The following PRKCB variants were observed in gnomAD, a reference collection of about 807,000 sequenced individuals.
PRKCB encodes the protein protein kinase C beta type.
PRKCB carries 13 observed loss-of-function variants against 81.5 expected under a neutral mutation model. The observed-to-expected ratio is 0.16, with a 90% CI of 0.10 to 0.25. The LOEUF (loss-of-function observed/expected upper bound fraction) is 0.25. Among genes scored for constraint, PRKCB ranks in the 10% least tolerant of loss-of-function variants. PRKCB has a pLI of 1.00. For synonymous variants in PRKCB, 335 were observed against 321.4 expected, an observed-to-expected ratio of 1.04 and a Z score of -0.45; for missense variants, 509 against 875.7, an observed-to-expected ratio of 0.58 and a Z score of 5.29.
intron 8 of PRKCB, among the ~76,000 whole-genome samples, chr16:24,116,152 G>T (rs141376498): frequency 6.6e-6 from 1 of 152,278 alleles, no homozygotes; most frequent in East Asian, 1.9e-4. Flanking sequence ...GCAGCCATTA[G>T]TGAGTGTATT....
Position 24,030,043 on chromosome 16 carries a change from G to T in PRKCB, c.289-2093G>T, listed in dbSNP as rs1965532005. ...ACTTCCCAAGTAGCTGGGACTACAGGCATATGCCACCACACCTGGCTAATT... is the reference window on the plus strand; with the variant it reads ...ACTTCCCAAGTAGCTGGGACTACAGTCATATGCCACCACACCTGGCTAATT... On this transcript the variant is annotated intron_variant, in intron 3 of 16. Transcript: ENST00000643927. 2.0e-5 allele frequency among the ~76,000 whole-genome samples: 3 copies of T among 152,110 alleles called. No individual in the cohort carries two copies. The South Asian group carries it at 6.2e-4, about 32-fold the overall frequency.
chr16:24,033,103 CT>C (rs1040571678), intron 4 of PRKCB, among the ~76,000 whole-genome samples: 2 of 152,148 alleles, frequency 1.3e-5, no homozygotes, highest in African/African-American at 4.8e-5. Flanking sequence ...AGCAGACAGG[CT>C]TTGAGAGCTA....
chr16:24,172,069 T>A (rs1967449465), intron 10 of PRKCB: 2 of 494,108 alleles, frequency 4.0e-6, no homozygotes. Flanking sequence ...ATGAAAAAAA[T>A]TATCTGTGTA....
At chr16:24,051,251 T>A (rs181382852) in intron 5 of PRKCB, among the ~76,000 whole-genome samples, 1 of 152,294 alleles carries the variant, frequency 6.6e-6, no homozygotes. Flanking sequence ...TTGCTGCTGT[T>A]TCTGTGAGAA....
chr16:23,869,367 T>G (rs925597943), intron 2 of PRKCB: 4 of 265,856 alleles, frequency 1.5e-5, no homozygotes, highest in South Asian at 1.4e-4. Context: ...GAGCTAAACT[T>G]CGAATATTGT....
chr16:23,938,716 C>A (rs1201172927), intron 2 of PRKCB, among the ~76,000 whole-genome samples: 2 of 152,150 alleles, frequency 1.3e-5, no homozygotes, highest in Non-Finnish European at 2.9e-5. Flanking sequence ...AGAAAACATG[C>A]TGTTAACTTT....
intron 5 of PRKCB, among the ~76,000 whole-genome samples, chr16:24,064,550 T>C (rs1045313347): frequency 2.8e-4 from 43 of 152,336 alleles, no homozygotes; most frequent in Middle Eastern, 3.4e-3. Context: ...ATATGTATCC[T>C]GTGTTTGTTG....
At chr16:24,161,014 A>T (rs1362795383) in intron 10 of PRKCB, among the ~76,000 whole-genome samples, 4 of 147,420 alleles carry the variant, frequency 2.7e-5, no homozygotes, top group African/African-American at 9.9e-5. Flanking sequence ...AGCTACCTTT[A>T]AAAAAAAAAG....
At chr16:24,134,608 G>A (rs1381429900) in intron 9 of PRKCB, among the ~76,000 whole-genome samples, 1 of 152,158 alleles carries the variant, frequency 6.6e-6, no homozygotes, top group Non-Finnish European at 1.5e-5. Flanking sequence ...AATTAGCCGG[G>A]CGTGGTGGCG....
At chr16:23,924,172 T>C (rs750968142) in intron 2 of PRKCB, among the ~76,000 whole-genome samples, 1 of 113,110 alleles carries the variant, frequency 8.8e-6, no homozygotes, top group African/African-American at 2.7e-5. Flanking sequence ...CAAGAGCTGA[T>C]GGTTTTATAA....
At chr16:24,052,608 T>G (rs1334716596) in intron 5 of PRKCB, among the ~76,000 whole-genome samples, 1 of 152,212 alleles carries the variant, frequency 6.6e-6, no homozygotes, top group Non-Finnish European at 1.5e-5. Context: ...CTCCTCTTTT[T>G]AGACCATGTA....
intron 9 of PRKCB, among the ~76,000 whole-genome samples, chr16:24,142,959 G>C (rs760593428): frequency 6.6e-6 from 1 of 152,074 alleles, no homozygotes; most frequent in Non-Finnish European, 1.5e-5. Flanking sequence ...TAGGGGTCGT[G>C]TGGTCCCCCG....
intron 2 of PRKCB, among the ~76,000 whole-genome samples, chr16:23,947,093 C>A (rs548283014): frequency 1.3e-5 from 2 of 152,144 alleles, no homozygotes; most frequent in African/African-American, 4.8e-5. Context: ...TGATCTCAAA[C>A]GATCCACCTG....
At position 23,837,524 on chromosome 16, in the gene PRKCB, C is replaced by T. The variant is rs888316746; in HGVS notation, c.205+118C>T. On this transcript the variant is annotated intron_variant, in intron 2 of 16. Coordinates refer to ENST00000643927, the MANE Select transcript of PRKCB (RefSeq NM_002738.7). ...GAATCACGTTGGTCGGAGTGACCTC[C>T]CAGGCTAGGAATTCTTCACCACAAC... The T allele has an allele frequency of 7.0e-6, 9 of 1,288,052 alleles. No individual in the cohort carries two copies. In the Admixed American group the frequency reaches 7.0e-5, roughly 10 times the overall value. 79.8% of individuals were successfully genotyped at this position (1,288,052 alleles called of 1,614,324 possible).
intron 8 of PRKCB, among the ~76,000 whole-genome samples, chr16:24,117,502 G>A (rs1966748786): frequency 6.6e-6 from 1 of 152,110 alleles, no homozygotes; most frequent in South Asian, 2.1e-4. Flanking sequence ...ATTAACTCAG[G>A]TAATTTAATC....
intron 16 of PRKCB, 174 bp downstream of exon 16, chr16:24,191,404 C>T: frequency 1.6e-6 from 1 of 631,136 alleles, no homozygotes; most frequent in Non-Finnish European, 2.6e-6. Context: ...GGACATTTTC[C>T]ATTGGCCCAG....
chr16:24,093,062 C>T, intron 6 of PRKCB, 115 bp downstream of exon 6: 1 of 1,110,692 alleles, frequency 9.0e-7, no homozygotes, highest in Non-Finnish European at 1.3e-6. Flanking sequence ...TACCTCCCTC[C>T]TTTTCTGTCT....
intron 3 of PRKCB, among the ~76,000 whole-genome samples, chr16:23,996,830 T>C (rs1308142813): frequency 1.3e-5 from 2 of 152,282 alleles, no homozygotes; most frequent in East Asian, 3.9e-4. Context: ...GTCAGTTATG[T>C]TGCCAGCTAG....
At chr16:23,872,960 C>T (rs1251933325) in intron 2 of PRKCB, among the ~76,000 whole-genome samples, 1 of 151,336 alleles carries the variant, frequency 6.6e-6, no homozygotes, top group Non-Finnish European at 1.5e-5. Context: ...GGCAGATCAT[C>T]TGAGGTTAGG....
Sources: gnomAD v4.1 joint callset for allele counts (sites outside exome capture counted in the v4.1 genomes callset) on GRCh38, gnomAD v4.1.1 for gene constraint, MANE v1.5 for transcripts, NCBI Gene and HGNC (gene_info 2026-07-23, HGNC 2026-07-21) for gene names.